Variants in NAALADL2 observed in about 807,000 individuals in gnomAD.
NAALADL2 encodes the protein inactive N-acetylated-alpha-linked acidic dipeptidase-like protein 2.
A neutral mutation model predicts 87.2 loss-of-function variants in NAALADL2; 76 were observed. The observed-to-expected ratio is 0.87, with a 90% CI of 0.72 to 1.05. NAALADL2 has a LOEUF of 1.05. Among genes scored for constraint, NAALADL2 ranks in the 50% least tolerant of loss-of-function variants. The pLI is 0.00. For synonymous variants in NAALADL2, 354 were observed against 331.0 expected, an observed-to-expected ratio of 1.07 and a Z score of -0.75; for missense variants, 1,089 against 945.8, an observed-to-expected ratio of 1.15 and a Z score of -1.99.
chr3:175,138,528 G>A (rs1372233860), intron 2 of NAALADL2, among the ~76,000 whole-genome samples: 1 of 151,988 alleles, frequency 6.6e-6, no homozygotes, highest in Admixed American at 6.6e-5. Context: ...TAAGATTAAT[G>A]TCAGTAATGA....
chr3:174,855,655 T>G (rs1233995100), upstream of NAALADL2, among the ~76,000 whole-genome samples: 1 of 151,804 alleles, frequency 6.6e-6, no homozygotes, highest in African/African-American at 2.4e-5. Flanking sequence ...TGATGGTAAT[T>G]TTATTCATTT....
chr3:175,366,625 T>C (rs1236085449), intron 5 of NAALADL2, among the ~76,000 whole-genome samples: 2 of 151,932 alleles, frequency 1.3e-5, no homozygotes, highest in African/African-American at 4.8e-5. Context: ...ATGAGCATTT[T>C]TTCATGTGTC....
chr3:175,045,435 C>T (rs1204013678), intron 1 of NAALADL2, among the ~76,000 whole-genome samples: 3 of 152,026 alleles, frequency 2.0e-5, no homozygotes, highest in Admixed American at 6.6e-5. Context: ...GGGGAGATTT[C>T]CTTGACTGTT....
chr3:175,460,990 A>G (rs931145780), intron 6 of NAALADL2, among the ~76,000 whole-genome samples: 3 of 152,112 alleles, frequency 2.0e-5, no homozygotes, highest in Admixed American at 2.0e-4. Context: ...TGATTGGTCC[A>G]TTTTACTGAG....
At chr3:174,443,362 A>T (rs1395617869) in intron 1 of NAALADL2, among the ~76,000 whole-genome samples, 1 of 152,150 alleles carries the variant, frequency 6.6e-6, no homozygotes. Flanking sequence ...TTGCTGAGAG[A>T]TAGGATATGG....
At chr3:174,688,311 A>G (rs1728231776) in intron 2 of NAALADL2, among the ~76,000 whole-genome samples, 1 of 152,168 alleles carries the variant, frequency 6.6e-6, no homozygotes, top group Non-Finnish European at 1.5e-5. Flanking sequence ...AATAACATAA[A>G]GCAGTTACCT....
At chr3:174,658,902 TCGA>T (rs1182057491) in intron 2 of NAALADL2, among the ~76,000 whole-genome samples, 5 of 152,192 alleles carry the variant, frequency 3.3e-5, no homozygotes, top group African/African-American at 1.2e-4. Flanking sequence ...AGTCTTAGCG[TCGA>T]CATCATTCTA....
chr3:175,245,807 G>A (rs780137557), intron 3 of NAALADL2, among the ~76,000 whole-genome samples: 2 of 152,166 alleles, frequency 1.3e-5, no homozygotes, highest in African/African-American at 2.4e-5. Context: ...ACTAGCTAGT[G>A]TCCCTTCTAA....
chr3:174,704,368 G>A (rs549998068), intron 2 of NAALADL2, among the ~76,000 whole-genome samples: 1 of 152,130 alleles, frequency 6.6e-6, no homozygotes, highest in South Asian at 2.1e-4. Context: ...ATTACAATTG[G>A]TGACAAATGT....
intron 1 of NAALADL2, among the ~76,000 whole-genome samples, chr3:174,514,283 C>T (rs570639755): frequency 5.3e-5 from 8 of 152,146 alleles, no homozygotes; most frequent in East Asian, 1.9e-4. Flanking sequence ...CGGCTGTGGT[C>T]GCACTTCACA....
chr3:174,590,269 C>T (rs1463684434), intron 2 of NAALADL2, among the ~76,000 whole-genome samples: 1 of 151,922 alleles, frequency 6.6e-6, no homozygotes, highest in Non-Finnish European at 1.5e-5. Flanking sequence ...AAAAACTATG[C>T]AGTTAATTCT....
chr3:175,529,063 C>G (rs1170561634), intron 9 of NAALADL2, among the ~76,000 whole-genome samples: 1 of 152,158 alleles, frequency 6.6e-6, no homozygotes, highest in Non-Finnish European at 1.5e-5. Flanking sequence ...ATTTGTAGTC[C>G]TGCCTGGATT....
intron 1 of NAALADL2, among the ~76,000 whole-genome samples, chr3:175,066,715 A>G (rs935997469): frequency 6.6e-6 from 1 of 152,156 alleles, no homozygotes; most frequent in Non-Finnish European, 1.5e-5. Context: ...AAGGAAGTGT[A>G]TCCACTCTAG....
chr3:174,859,993 A>G (rs1206716936), intron 1 of NAALADL2, among the ~76,000 whole-genome samples: 1 of 152,140 alleles, frequency 6.6e-6, no homozygotes, highest in Non-Finnish European at 1.5e-5. Flanking sequence ...TTGCTTAATC[A>G]GATACCTTTG....
At chr3:174,680,089 AT>A (rs1171906707) in intron 2 of NAALADL2, among the ~76,000 whole-genome samples, 2 of 67,884 alleles carry the variant, frequency 2.9e-5, no homozygotes, top group Non-Finnish European at 6.6e-5. Flanking sequence ...ATAACCAGGT[AT>A]TTTGTATAAA....
intron 1 of NAALADL2, among the ~76,000 whole-genome samples, chr3:175,033,889 T>G (rs942177104): frequency 6.6e-6 from 1 of 152,174 alleles, no homozygotes; most frequent in African/African-American, 2.4e-5. Context: ...GACTCATATA[T>G]AGAGCTGCCT....
intron 1 of NAALADL2, among the ~76,000 whole-genome samples, chr3:174,893,716 T>C (rs1336633073): frequency 6.6e-6 from 1 of 151,926 alleles, no homozygotes. Flanking sequence ...AAAGATAGAA[T>C]GAGTACACAA....
intron 2 of NAALADL2, among the ~76,000 whole-genome samples, chr3:174,589,146 G>A (rs1169086813): frequency 1.3e-5 from 2 of 152,162 alleles, no homozygotes; most frequent in South Asian, 2.1e-4. Context: ...AGCAGCGAGC[G>A]AGGCTCCTTG....
chr3:175,581,723 G>A (rs1719810158), intron 10 of NAALADL2, among the ~76,000 whole-genome samples: 2 of 152,120 alleles, frequency 1.3e-5, no homozygotes, highest in South Asian at 4.1e-4. Flanking sequence ...AGAGTGAAAA[G>A]GGCATATAAT....
Sources: gnomAD v4.1 joint callset for allele counts (sites outside exome capture counted in the v4.1 genomes callset) on GRCh38, gnomAD v4.1.1 for gene constraint, MANE v1.5 for transcripts, NCBI Gene and HGNC (gene_info 2026-07-23, HGNC 2026-07-21) for gene names.